The following SLC25A26 variants were observed in gnomAD, a reference collection of about 807,000 sequenced individuals.
The protein encoded by SLC25A26 is mitochondrial S-adenosylmethionine carrier protein.
In SLC25A26, 36 loss-of-function variants were observed where a neutral mutation model predicts 37.8. The observed-to-expected ratio is 0.95, with a 90% confidence interval of 0.73 to 1.26. The LOEUF is 1.26. Among genes scored for constraint, SLC25A26 ranks in the 50% most tolerant of loss-of-function variants. The pLI is 0.00. For missense variants in SLC25A26, 390 were observed against 331.1 expected (o/e 1.18, Z -1.38); for synonymous variants, 129 against 122.5 (o/e 1.05, Z -0.35).
intron 3 of SLC25A26, among the ~76,000 whole-genome samples, chr3:66,257,815 T>G (rs35322638): frequency 5.9e-5 from 9 of 151,994 alleles, no homozygotes; most frequent in Non-Finnish European, 1.2e-4. Context: ...CTCATCTCCC[T>G]CAATCCCTTA....
At chr3:66,247,339 C>A (rs1164619522) in intron 3 of SLC25A26, among the ~76,000 whole-genome samples, 2 of 152,072 alleles carry the variant, frequency 1.3e-5, no homozygotes, top group Non-Finnish European at 2.9e-5. Context: ...GATGGGGTCT[C>A]ACTCTGTCAA....
intron 5 of SLC25A26, among the ~76,000 whole-genome samples, chr3:66,320,298 C>T (rs546473276): frequency 6.6e-6 from 1 of 152,210 alleles, no homozygotes; most frequent in African/African-American, 2.4e-5. Flanking sequence ...AACTTCTAAT[C>T]CACTTTATGT....
intron 1 of SLC25A26, among the ~76,000 whole-genome samples, chr3:66,144,510 A>G (rs1437486869): frequency 6.6e-6 from 1 of 152,176 alleles, no homozygotes; most frequent in East Asian, 1.9e-4. Context: ...AACTGAGAAC[A>G]CAGAGTATCT....
chr3:66,162,506 C>A (rs1426187617), intron 1 of SLC25A26, among the ~76,000 whole-genome samples: 3 of 152,064 alleles, frequency 2.0e-5, no homozygotes, highest in African/African-American at 7.2e-5. Context: ...GTGGTCCATG[C>A]AGCAAACTGC....
At chr3:66,312,255 A>G (rs2075400704) in intron 5 of SLC25A26, among the ~76,000 whole-genome samples, 1 of 152,164 alleles carries the variant, frequency 6.6e-6, no homozygotes, top group Non-Finnish European at 1.5e-5. Flanking sequence ...GCCCAGCCCG[A>G]ACTTCGCCGC....
intron 8 of SLC25A26, among the ~76,000 whole-genome samples, 180 bp from the exon 9 acceptor site, chr3:66,370,349 C>T (rs1052524700): frequency 2.0e-5 from 3 of 152,142 alleles, no homozygotes; most frequent in South Asian, 4.1e-4. Flanking sequence ...GCCTGCATAT[C>T]GGAGTGTAAG....
intron 5 of SLC25A26, among the ~76,000 whole-genome samples, chr3:66,281,996 A>AT (rs71105977): frequency 0.043 from 2,781 of 64,410 alleles, 507 homozygotes; most frequent in African/African-American, 0.11. Flanking sequence ...CTGATTTTGC[A>AT]TTTTTTTTTT....
chr3:66,354,466 A>G (rs2076529987), intron 6 of SLC25A26, among the ~76,000 whole-genome samples: 1 of 152,176 alleles, frequency 6.6e-6, no homozygotes, highest in Non-Finnish European at 1.5e-5. Flanking sequence ...TGTATATAAT[A>G]ATTACTTAGA....
intron 1 of SLC25A26, among the ~76,000 whole-genome samples, chr3:66,204,444 A>G (rs1162531402): frequency 3.4e-5 from 5 of 149,206 alleles, no homozygotes; most frequent in African/African-American, 1.2e-4. Context: ...AAAAAAGAAA[A>G]AAAGAAAAAA....
chr3:66,374,894 T>C (rs1030222279), intron 9 of SLC25A26, among the ~76,000 whole-genome samples: 2 of 151,178 alleles, frequency 1.3e-5, no homozygotes, highest in Non-Finnish European at 1.5e-5. Context: ...AAAAAATTAA[T>C]TAATTAAAAA....
chr3:66,230,525 C>T (rs1400143127), intron 1 of SLC25A26, among the ~76,000 whole-genome samples: 4 of 151,916 alleles, frequency 2.6e-5, no homozygotes, highest in East Asian at 3.9e-4. Context: ...AATTTTAGGC[C>T]GGGCGTGGTG....
chr3:66,303,059 T>C (rs2075120577), intron 5 of SLC25A26, among the ~76,000 whole-genome samples: 2 of 152,186 alleles, frequency 1.3e-5, no homozygotes, highest in Admixed American at 1.3e-4. Flanking sequence ...CCGTGAGTAG[T>C]GACAATTTAA....
chr3:66,252,870 A>G (rs949539491), intron 3 of SLC25A26, among the ~76,000 whole-genome samples: 1 of 152,190 alleles, frequency 6.6e-6, no homozygotes, highest in African/African-American at 2.4e-5. Context: ...GTATACTTCC[A>G]GGAGCACCTC....
intron 5 of SLC25A26, among the ~76,000 whole-genome samples, chr3:66,320,971 A>G (rs1027591005): frequency 1.1e-4 from 16 of 152,178 alleles, no homozygotes; most frequent in Non-Finnish European, 1.5e-4. Flanking sequence ...TGAAGTTCCA[A>G]CTTTCAAGAT....
Position 66,369,502 on chromosome 3 carries a change from C to T in SLC25A26, c.593C>T (p.Thr198Ile), listed in dbSNP as rs1259252088. The T allele has an allele frequency of 6.2e-7, 1 of 1,605,100 alleles. No homozygotes were observed. Among genetic ancestry groups the T allele is most frequent in the Non-Finnish European group, 8.5e-7 (1 of 1,175,902 alleles). ...GGTGGATTTGCCGCTGCAGTCACCA[C>T]CCCTCTAGACGTGGCAAAGACAAGA... ...FAGGFAAAVT[T>I]PLDVAKTRIT... is the part of the protein sequence containing the mutation. Residue 198 changes from threonine to isoleucine, a missense_variant, in exon 8 of 10, where the codon ACC becomes ATC. By Grantham distance (89) the Thr-to-Ile change is moderately conservative (BLOSUM62 -1). Coordinates refer to ENST00000354883, the MANE Select transcript of SLC25A26 (RefSeq NM_001379210.1).
intron 4 of SLC25A26, 37 bp from the exon 5 acceptor site, chr3:66,263,295 C>T (rs772213218): frequency 1.3e-6 from 2 of 1,542,676 alleles, no homozygotes; most frequent in Non-Finnish European, 1.8e-6. Flanking sequence ...AAATCTCTGC[C>T]ATTCTTTCTG....
At chr3:66,136,756 C>T (rs1003210493) in intron 1 of SLC25A26, among the ~76,000 whole-genome samples, 1 of 152,180 alleles carries the variant, frequency 6.6e-6, no homozygotes, top group African/African-American at 2.4e-5. Context: ...GCCTCCATGT[C>T]ATTTACAGTA....
intron 5 of SLC25A26, among the ~76,000 whole-genome samples, chr3:66,307,274 C>A (rs1028620671): frequency 6.6e-6 from 1 of 152,024 alleles, no homozygotes; most frequent in African/African-American, 2.4e-5. Context: ...AGCTTTTTTT[C>A]ATTTGTTTGT....
intron 1 of SLC25A26, among the ~76,000 whole-genome samples, chr3:66,162,698 C>G (rs371188500): frequency 1.6e-4 from 25 of 152,246 alleles, no homozygotes; most frequent in African/African-American, 5.8e-4. Context: ...ATCTAAAGAC[C>G]ACTGCTGGGC....
Sources: allele counts gnomAD v4.1 joint callset (sites outside exome capture counted in the v4.1 genomes callset), GRCh38; gene constraint gnomAD v4.1.1; transcripts MANE v1.5; gene names NCBI Gene and HGNC (gene_info 2026-07-23, HGNC 2026-07-21).